The following TMEM131 variants were observed in gnomAD, a reference collection of about 807,000 sequenced individuals.
The protein encoded by TMEM131 is 2610524E03Rik.
In TMEM131, 66 loss-of-function variants were observed where a neutral mutation model predicts 211.6. The ratio of observed to expected loss-of-function variants is 0.31; its 90% CI spans 0.26 to 0.38. The LOEUF (loss-of-function observed/expected upper bound fraction) is 0.38, where lower values mean the gene tolerates loss of function less well. Ranked by LOEUF, TMEM131 falls within the 10% of genes least tolerant of loss-of-function variation. TMEM131 has a pLI of 1.00. For missense variants in TMEM131, 2,036 were observed against 2,299.3 expected (o/e 0.89, Z 2.34); for synonymous variants, 844 against 841.3 (o/e 1.00, Z -0.06).
intron 33 of TMEM131, among the ~76,000 whole-genome samples, chr2:97,769,092 C>A (rs918491073): frequency 2.0e-5 from 3 of 150,102 alleles, no homozygotes; most frequent in African/African-American, 7.3e-5. Flanking sequence ...GTCTCTAACT[C>A]CTGCCTCAGC....
At position 97,757,211 on chromosome 2, in the gene TMEM131, C is replaced by T. The variant is rs1678537205; in HGVS notation, c.5540G>A (p.Ser1847Asn). The change falls in exon 41 of 41, where the codon AGT becomes AAT. Residue 1847 changes from serine to asparagine, a missense_variant. Coordinates refer to ENST00000186436, the MANE Select transcript of TMEM131 (RefSeq NM_015348.2). ...GGTCTGTCCCAAGTCGTCAGCTGGACTGGAGGTGGAGGGAGCGTGAGGAGC... is the reference window on the plus strand; with the variant it reads ...GGTCTGTCCCAAGTCGTCAGCTGGATTGGAGGTGGAGGGAGCGTGAGGAGC... ...SPAPHAPSTSSPADDLGQTYN... is the reference protein window; with the variant it reads ...SPAPHAPSTSNPADDLGQTYN... 3 of 1,613,964 alleles carry T rather than the reference C, an allele frequency of 1.9e-6. No homozygotes were observed. The highest frequency in any genetic ancestry group is 2.5e-6 in the Non-Finnish European group (3 of 1,179,886).
intron 4 of TMEM131, among the ~76,000 whole-genome samples, chr2:97,879,849 G>T (rs1243983681): frequency 6.6e-6 from 1 of 151,330 alleles, no homozygotes; most frequent in Admixed American, 6.6e-5. Flanking sequence ...CTGGTCAAAA[G>T]TAGGCTATTA....
intron 1 of TMEM131, among the ~76,000 whole-genome samples, chr2:97,934,760 A>C (rs1677372012): frequency 6.6e-6 from 1 of 152,212 alleles, no homozygotes; most frequent in Admixed American, 6.5e-5. Flanking sequence ...CATTGGAAGA[A>C]CAGCTTTTCC....
In TMEM131 at chr2:97,814,375, C is replaced by CA; in HGVS notation, c.1305dup (p.Asp436Ter). The CA allele has an allele frequency of 6.3e-7, 1 of 1,598,882 alleles. No individual in the cohort carries two copies. The highest frequency in any genetic ancestry group is 8.5e-7 in the Non-Finnish European group (1 of 1,174,014). ...ATGTGAAATAATGTTGCAGCATGAT[C>CA]AAATCCCAAATAACTATTAAAAAAA... On this transcript the variant is annotated frameshift_variant, in exon 14 of 41. Coordinates refer to ENST00000186436, the MANE Select transcript of TMEM131 (RefSeq NM_015348.2). LOFTEE classifies it high-confidence loss of function.
intron 2 of TMEM131, among the ~76,000 whole-genome samples, chr2:97,917,479 T>C (rs1449876153): frequency 6.6e-6 from 1 of 152,180 alleles, no homozygotes; most frequent in Non-Finnish European, 1.5e-5. Flanking sequence ...TGCAGTACAA[T>C]TCTGATGCTA....
At position 97,804,829 on chromosome 2, in the gene TMEM131, CA is replaced by C. The variant is rs1681214035; in HGVS notation, c.2402+258del. Among the ~76,000 whole-genome samples, 3 of 152,028 alleles carry C rather than the reference CA, an allele frequency of 2.0e-5. No individual in the cohort carries two copies. In the South Asian group the frequency reaches 6.2e-4, roughly 32 times the overall value. ...ATACTGTCGTCATCCTACATAAGAACAACTTCAAATATTTTCTTGGAGTGTA... is the reference window on the plus strand; with the variant it reads ...ATACTGTCGTCATCCTACATAAGAACACTTCAAATATTTTCTTGGAGTGTA... On this transcript the variant is annotated intron_variant, in intron 22 of 40. Coordinates refer to ENST00000186436, the MANE Select transcript of TMEM131 (RefSeq NM_015348.2).
intron 4 of TMEM131, among the ~76,000 whole-genome samples, chr2:97,878,854 AAATAAT>A (rs915895993): frequency 6.6e-6 from 1 of 152,172 alleles, no homozygotes; most frequent in African/African-American, 2.4e-5. Flanking sequence ...AATAATTAAA[AAATAAT>A]AATAATGAGC....
At chr2:97,980,281 T>C (rs566945070) in intron 1 of TMEM131, among the ~76,000 whole-genome samples, 6 of 152,314 alleles carry the variant, frequency 3.9e-5, no homozygotes, top group East Asian at 1.9e-4. Flanking sequence ...ATGGTGCTAA[T>C]AGATTTGTGT....
chr2:97,790,239 A>T (rs1196311560), intron 31 of TMEM131, among the ~76,000 whole-genome samples: 6 of 152,218 alleles, frequency 3.9e-5, no homozygotes, highest in African/African-American at 2.4e-5. Context: ...CCCCAAGATC[A>T]ATGCCCACCT....
intron 31 of TMEM131, among the ~76,000 whole-genome samples, chr2:97,785,531 A>T (rs1365065796): frequency 6.6e-6 from 1 of 152,238 alleles, no homozygotes; most frequent in African/African-American, 2.4e-5. Flanking sequence ...GCTGCTGAGG[A>T]TGTGGAGAAC....
At chr2:97,947,088 G>C (rs1171376828) in intron 1 of TMEM131, among the ~76,000 whole-genome samples, 2 of 151,940 alleles carry the variant, frequency 1.3e-5, no homozygotes, top group Non-Finnish European at 2.9e-5. Context: ...ATGTACAAAA[G>C]ATATACAGCT....
intron 6 of TMEM131, among the ~76,000 whole-genome samples, chr2:97,842,365 TA>T (rs1354490340): frequency 1.3e-5 from 2 of 152,164 alleles, no homozygotes; most frequent in Non-Finnish European, 2.9e-5. Context: ...CAAATGATAT[TA>T]TTAATATATT....
At chr2:97,974,068 C>T (rs1679418718) in intron 1 of TMEM131, among the ~76,000 whole-genome samples, 2 of 152,042 alleles carry the variant, frequency 1.3e-5, no homozygotes, top group Admixed American at 1.3e-4. Context: ...AGAACTGGCA[C>T]AGAAGTTAGC....
intron 13 of TMEM131, 69 bp downstream of exon 13, chr2:97,815,130 C>T: frequency 1.2e-6 from 1 of 845,028 alleles, no homozygotes; most frequent in Non-Finnish European, 1.7e-6. Context: ...TTCTGCAGGT[C>T]ATTTAGCAGG....
At chr2:97,953,189 CTG>C (rs1454512109) in intron 1 of TMEM131, among the ~76,000 whole-genome samples, 1 of 152,138 alleles carries the variant, frequency 6.6e-6, no homozygotes, top group East Asian at 1.9e-4. Flanking sequence ...TTAACATCTG[CTG>C]TGCTCAATGT....
chr2:97,788,705 C>G lies in TMEM131; in HGVS notation c.4144+3681G>C, dbSNP rs74371754. ...ACACAGACTGGGTCTTGCTCCCATT[C>G]TGCCCAGCGCTGCCTTACTGGAAAA... On this transcript the variant is annotated intron_variant, in intron 31 of 40. Coordinates refer to ENST00000186436, the MANE Select transcript of TMEM131 (RefSeq NM_015348.2). Among the ~76,000 whole-genome samples the G allele has an allele frequency of 8.5e-5, 13 of 152,296 alleles. No individual in the cohort carries two copies. The East Asian group carries it at 2.5e-3, about 29-fold the overall frequency.
chr2:97,765,614 A>T (rs544934910), intron 35 of TMEM131, among the ~76,000 whole-genome samples: 46 of 152,324 alleles, frequency 3.0e-4, no homozygotes, highest in African/African-American at 1.0e-3. Flanking sequence ...CTGCAGGCCA[A>T]ACTGGAGAAA....
At chr2:97,949,992 A>G (rs1307121852) in intron 1 of TMEM131, among the ~76,000 whole-genome samples, 1 of 152,132 alleles carries the variant, frequency 6.6e-6, no homozygotes, top group Admixed American at 6.5e-5. Flanking sequence ...TATTTCTTGT[A>G]CCTGCAAACC....
At chr2:97,900,166 G>T (rs1675791579) in intron 3 of TMEM131, among the ~76,000 whole-genome samples, 1 of 152,108 alleles carries the variant, frequency 6.6e-6, no homozygotes, top group South Asian at 2.1e-4. Flanking sequence ...ACTGAAAGCT[G>T]CAAGAGTATT....
Sources: allele counts gnomAD v4.1 joint callset (sites outside exome capture counted in the v4.1 genomes callset), GRCh38; gene constraint gnomAD v4.1.1; transcripts MANE v1.5; gene names NCBI Gene and HGNC (gene_info 2026-07-23, HGNC 2026-07-21).